SGIP1: variants seen among roughly 807,000 people sequenced by gnomAD.
SGIP1 encodes SH3GL interacting endocytic adaptor 1.
In SGIP1, 38 loss-of-function variants were observed where a neutral mutation model predicts 107.5. The observed-to-expected ratio is 0.35, with a 90% CI of 0.27 to 0.46. The LOEUF (loss-of-function observed/expected upper bound fraction) is 0.46. SGIP1 is among the 20% of genes least tolerant of loss of function. The pLI is 1.00. For synonymous variants in SGIP1, 365 were observed against 366.1 expected (o/e 1.00, Z 0.03); for missense variants, 929 against 1,019.5 (o/e 0.91, Z 1.21).
chr1:66,717,958 C>T (rs544053182), intron 18 of SGIP1, among the ~76,000 whole-genome samples: 12 of 152,238 alleles, frequency 7.9e-5, no homozygotes, highest in African/African-American at 2.9e-4. Context: ...TTTGAATCCC[C>T]AGCACCTACC....
chr1:66,605,815 G>C (rs1275849819), intron 1 of SGIP1, among the ~76,000 whole-genome samples: 1 of 152,152 alleles, frequency 6.6e-6, no homozygotes, highest in Non-Finnish European at 1.5e-5. Flanking sequence ...GATTATGTCT[G>C]TGGTTCAATT....
At chr1:66,579,629 C>A (rs1430769412) in intron 1 of SGIP1, among the ~76,000 whole-genome samples, 1 of 152,166 alleles carries the variant, frequency 6.6e-6, no homozygotes, top group Non-Finnish European at 1.5e-5. Context: ...TTGTAATTCT[C>A]ACAATCTTCT....
chr1:66,619,096 T>C (rs7515818), intron 1 of SGIP1, among the ~76,000 whole-genome samples: 19,461 of 152,164 alleles, frequency 0.13, 1,340 homozygotes, highest in Admixed American at 0.18. Flanking sequence ...ACTTACCTCC[T>C]CTTCTTAAAG....
intron 5 of SGIP1, among the ~76,000 whole-genome samples, chr1:66,640,091 A>C (rs546508736): frequency 6.6e-6 from 1 of 152,202 alleles, no homozygotes; most frequent in African/African-American, 2.4e-5. Flanking sequence ...GTTAATGTTA[A>C]TGTATTTTAT....
At position 66,545,309 on chromosome 1, in the gene SGIP1, C is replaced by A. The variant is rs142595921; in HGVS notation, c.10+10941C>A. Among the ~76,000 whole-genome samples, 265 of 152,298 alleles carry A rather than the reference C, an allele frequency of 1.7e-3. 6 individuals carry two copies. Among genetic ancestry groups the A allele is most frequent in the Admixed American group, 0.013 (195 of 15,300 alleles). On this transcript the variant is annotated intron_variant, in intron 1 of 24. Transcript: ENST00000371037. ...TGCCATTCTCTTGCCCTTGGACTTG[C>A]CATTCCATTCCTTCTCTATATGGAA... is the stretch of plus-strand genomic sequence containing the variant.
intron 18 of SGIP1, among the ~76,000 whole-genome samples, chr1:66,715,063 A>T (rs659291): frequency 6.6e-6 from 1 of 151,826 alleles, no homozygotes. Context: ...ATTGATCTGC[A>T]TTTTGATTTG....
intron 8 of SGIP1, 132 bp from the exon 9 acceptor site, chr1:66,667,398 T>C: frequency 1.2e-6 from 1 of 849,350 alleles, no homozygotes; most frequent in South Asian, 1.4e-5. Flanking sequence ...ACTGCCTGTC[T>C]TCCTTTGGCC....
At chr1:66,616,554 C>T (rs931672309) in intron 1 of SGIP1, among the ~76,000 whole-genome samples, 4 of 152,078 alleles carry the variant, frequency 2.6e-5, no homozygotes. Flanking sequence ...AGGAAGTAGT[C>T]CTAGGAACTT....
At chr1:66,659,956 AAGAAAG>A (rs1557495606) in intron 7 of SGIP1, among the ~76,000 whole-genome samples, 5 of 30,088 alleles carry the variant, frequency 1.7e-4, no homozygotes, top group African/African-American at 6.4e-4. Flanking sequence ...AAGAAAAAGA[AAGAAAG>A]AAAGAAAGAA....
chr1:66,659,950 AAAAG>A (rs71058469), intron 7 of SGIP1, among the ~76,000 whole-genome samples: 5,321 of 42,942 alleles, frequency 0.12, 409 homozygotes, highest in Non-Finnish European at 0.13. Flanking sequence ...AAAAGAAAGA[AAAAG>A]AAAGAAAGAA....
chr1:66,724,673 C>A lies in SGIP1; in HGVS notation c.1743-4591C>A, dbSNP rs76950169. 3.4e-3 allele frequency among the ~76,000 whole-genome samples: 524 copies of A among 152,292 alleles called. 21 individuals carry two copies. In the East Asian group the frequency reaches 0.08, roughly 23 times the overall value. On this transcript the variant is annotated intron_variant, in intron 19 of 24. Coordinates refer to ENST00000371037, the MANE Select transcript of SGIP1 (RefSeq NM_032291.4). ...ACCCCACTGGAAAAAATAACAAGAA[C>A]AACTTGCATAGTTAGGAGTGAATAG...
At chr1:66,727,838 A>G (rs920400076) in intron 19 of SGIP1, among the ~76,000 whole-genome samples, 3 of 152,196 alleles carry the variant, frequency 2.0e-5, no homozygotes, top group Non-Finnish European at 4.4e-5. Context: ...AGTGAAGCAT[A>G]TTAACTCTTG....
Position 66,709,358 on chromosome 1 carries a change from G to A in SGIP1, c.1631-9936G>A, listed in dbSNP as rs560797542. On this transcript the variant is annotated intron_variant, in intron 18 of 24. Coordinates refer to ENST00000371037, the MANE Select transcript of SGIP1 (RefSeq NM_032291.4). Reference sequence around the variant, plus strand: ...ACCCAGTGCTACCATGGGTAAGGACGAGGCCTATGGGGCTCTTATATGGAA... The same window carrying A: ...ACCCAGTGCTACCATGGGTAAGGACAAGGCCTATGGGGCTCTTATATGGAA... Among the ~76,000 whole-genome samples, 8 of 152,174 alleles carry A rather than the reference G, an allele frequency of 5.3e-5. No individual in the cohort carries two copies. The South Asian group carries it at 8.3e-4, about 16-fold the overall frequency.
intron 17 of SGIP1, chr1:66,694,302 C>T (rs1332596833): frequency 1.6e-6 from 1 of 644,322 alleles, no homozygotes; most frequent in Admixed American, 3.0e-5. Context: ...ATCATAATTC[C>T]AGTGTTTTCA....
chr1:66,692,304 A>T (rs2090032502), intron 17 of SGIP1, among the ~76,000 whole-genome samples: 3 of 152,284 alleles, frequency 2.0e-5, no homozygotes, highest in East Asian at 3.9e-4. Flanking sequence ...TTCAAGATGA[A>T]CCAGAGTGGG....
rs1009606529 is a variant in SGIP1 at position 66,635,829 on chromosome 1, A to G, written c.100-115A>G. 2.3e-5 allele frequency: 25 copies of G among 1,075,544 alleles called. No individual in the cohort carries two copies. The African/African-American group carries it at 3.7e-4, about 16-fold the overall frequency. 66.6% of individuals were successfully genotyped at this position (1,075,544 alleles called of 1,614,324 possible). The stretch of plus-strand genomic sequence containing the variant: ...ATTGGTAGGCCGTATGATTTGGCCT[A>G]GAGATGGTTTCTTCTATGGTATGTT... On this transcript the variant is annotated intron_variant, in intron 3 of 24. Coordinates refer to ENST00000371037, the MANE Select transcript of SGIP1 (RefSeq NM_032291.4).
intron 1 of SGIP1, among the ~76,000 whole-genome samples, chr1:66,551,859 A>G (rs2057465846): frequency 6.6e-6 from 1 of 152,208 alleles, no homozygotes; most frequent in African/African-American, 2.4e-5. Context: ...AGATTCTGAG[A>G]TAAAATTAAC....
At chr1:66,587,739 T>G (rs1016386614) in intron 1 of SGIP1, among the ~76,000 whole-genome samples, 1 of 152,116 alleles carries the variant, frequency 6.6e-6, no homozygotes, top group Non-Finnish European at 1.5e-5. Context: ...AAGATCCTAT[T>G]TAATTAACCA....
At chr1:66,617,121 C>T (rs1311551347) in intron 1 of SGIP1, among the ~76,000 whole-genome samples, 1 of 152,172 alleles carries the variant, frequency 6.6e-6, no homozygotes, top group African/African-American at 2.4e-5. Context: ...AACCACATGC[C>T]GACCGACTTT....
Sources: gnomAD v4.1 joint callset for allele counts (sites outside exome capture counted in the v4.1 genomes callset) on GRCh38, gnomAD v4.1.1 for gene constraint, MANE v1.5 for transcripts, NCBI Gene and HGNC (gene_info 2026-07-23, HGNC 2026-07-21) for gene names.